Variants in RPGR observed in about 807,000 individuals in gnomAD.
RPGR encodes the protein retinitis pigmentosa GTPase regulator, also known as X-linked retinitis pigmentosa GTPase regulator.
In RPGR, 10 loss-of-function variants were observed where a neutral mutation model predicts 56.3. The observed-to-expected ratio is 0.18, with a 90% confidence interval of 0.11 to 0.30. The LOEUF is 0.30. Ranked by LOEUF, RPGR falls within the 10% of genes least tolerant of loss-of-function variation. The probability of loss-of-function intolerance (pLI) is 1.00; values close to 1 mark genes in which losing one functional copy is unlikely to be tolerated. For synonymous variants in RPGR, 197 were observed against 212.9 expected (o/e 0.93, Z 0.65); for missense variants, 538 against 590.9 (o/e 0.91, Z 0.93).
At chrX:38,287,482 TCTA>T (rs1261538898) in intron 14 of RPGR, 3 of 533,047 alleles carry the variant, frequency 5.6e-6, no homozygotes, top group South Asian at 2.4e-5. Context: ...GTCTGGCTTT[TCTA>T]CTGATTCTCT....
At chrX:38,316,708 CTT>C (rs2067834352) in intron 6 of RPGR, among the ~76,000 whole-genome samples, 1 of 111,591 alleles carries the variant, frequency 9.0e-6, no homozygotes, top group Non-Finnish European at 1.9e-5. Flanking sequence ...TTTACTCTCT[CTT>C]GGTATCATGC....
chrX:38,320,640 AACACAC>A (rs72350829), intron 4 of RPGR, among the ~76,000 whole-genome samples: 3 of 108,954 alleles, frequency 2.8e-5, no homozygotes, highest in African/African-American at 1.0e-4. Context: ...AATTTCTACA[AACACAC>A]ACACACACAC....
chrX:38,310,005 G>A (rs2067682140), intron 7 of RPGR, among the ~76,000 whole-genome samples: 1 of 110,855 alleles, frequency 9.0e-6, no homozygotes, highest in Non-Finnish European at 1.9e-5. Context: ...TTGAGACGAG[G>A]TCTTGCTCTG....
In RPGR at chrX:38,283,073, T is replaced by C. The variant is rs965094195; in HGVS notation, c.1905+4021A>G. Among the ~76,000 whole-genome samples, 4 of 111,199 alleles carry C rather than the reference T, an allele frequency of 3.6e-5. No homozygotes were observed. The East Asian group carries it at 1.1e-3, about 31-fold the overall frequency. On this transcript the variant is annotated intron_variant, in intron 15 of 18. Transcript: ENST00000642395. Reference sequence around the variant, plus strand: ...AAGCTTCCTTTTTTTTCTCCTAAGATATATAAAATTTACAAACATGTAAAT... The same window carrying C: ...AAGCTTCCTTTTTTTTCTCCTAAGACATATAAAATTTACAAACATGTAAAT...
chrX:38,291,815 G>C (rs79650568), intron 11 of RPGR, among the ~76,000 whole-genome samples: 10,629 of 111,790 alleles, frequency 0.095, 512 homozygotes, highest in African/African-American at 0.16. Flanking sequence ...GACCTACAAC[G>C]TCCTGGTGTT....
intron 9 of RPGR, among the ~76,000 whole-genome samples, chrX:38,300,469 C>T (rs954988034): frequency 1.8e-5 from 2 of 111,722 alleles, no homozygotes; most frequent in African/African-American, 6.5e-5. Flanking sequence ...GTGATGGTGA[C>T]GTGACACTGA....
At chrX:38,279,309 G>C in intron 15 of RPGR, 1 of 273,385 alleles carries the variant, frequency 3.7e-6, no homozygotes, top group Non-Finnish European at 6.9e-6. Context: ...GTATATGTCT[G>C]TGTCTTGCGT....
At chrX:38,320,411 GC>G (rs2067915664) in intron 4 of RPGR, among the ~76,000 whole-genome samples, 1 of 111,988 alleles carries the variant, frequency 8.9e-6, no homozygotes, top group African/African-American at 3.3e-5. Flanking sequence ...TGGCATCTTT[GC>G]CAAAAATCAA....
Position 38,299,115 on chromosome X carries a change from T to C in RPGR, c.1086A>G (p.Val362=). The C allele has an allele frequency of 5.8e-6, 7 of 1,211,532 alleles. No individual in the cohort carries two copies. Among genetic ancestry groups the C allele is most frequent in the Non-Finnish European group, 7.8e-6 (7 of 895,301 alleles). ...CACCACGATGAGGAGCAGCAAAAAC[T>C]ACCATGTGACATCCACCACAAGCAA... is the stretch of plus-strand genomic sequence containing the variant. Residue 362 remains valine (V), a synonymous_variant, in exon 10 of 19, where the codon GTA becomes GTG. Transcript: ENST00000642395.
chrX:38,281,902 T>C (rs1216658513), intron 15 of RPGR, among the ~76,000 whole-genome samples: 13 of 107,251 alleles, frequency 1.2e-4, no homozygotes, highest in African/African-American at 4.5e-4. Flanking sequence ...ATGGCTGTTC[T>C]CACAGATGTT....
chrX:38,309,421 A>G (rs766383656), intron 7 of RPGR, among the ~76,000 whole-genome samples: 1 of 112,845 alleles, frequency 8.9e-6, no homozygotes, highest in African/African-American at 3.2e-5. Flanking sequence ...TCTCCAAAAG[A>G]AGGCATTTCA....
intron 7 of RPGR, among the ~76,000 whole-genome samples, chrX:38,309,600 G>A (rs1376007459): frequency 8.9e-6 from 1 of 112,615 alleles, no homozygotes; most frequent in African/African-American, 3.2e-5. Context: ...GGCCGAGGCT[G>A]GTGAATCACC....
At chrX:38,274,062 T>C (rs951071870) in intron 17 of RPGR, 2 of 112,533 alleles carry the variant, frequency 1.8e-5, no homozygotes, top group African/African-American at 6.5e-5. Flanking sequence ...GGAACAGGAT[T>C]AAGGAAACTA....
At chrX:38,311,989 T>C (rs899696736) in intron 6 of RPGR, among the ~76,000 whole-genome samples, 1 of 112,105 alleles carries the variant, frequency 8.9e-6, no homozygotes, top group African/African-American at 3.3e-5. Flanking sequence ...TCTTTTTGCT[T>C]TGTATCCTTT....
chrX:38,298,455 A>C, intron 10 of RPGR: 1 of 308,578 alleles, frequency 3.2e-6, no homozygotes, highest in Non-Finnish European at 6.1e-6. Flanking sequence ...TAACTGAAAG[A>C]CAAAAGAATG....
In RPGR at chrX:38,295,834, G is replaced by C. The variant is rs4827347; in HGVS notation, c.1414+1450C>G. Among the ~76,000 whole-genome samples, 3,460 of 111,186 alleles carry C rather than the reference G, an allele frequency of 0.031. 92 individuals are homozygous for C. Among genetic ancestry groups the C allele is most frequent in the South Asian group, 0.14 (375 of 2,647 alleles). On this transcript the variant is annotated intron_variant, in intron 11 of 18. Coordinates refer to ENST00000642395, the MANE Select transcript of RPGR (RefSeq NM_000328.3). ...CCTGATTCTTAGTCCCTGATGACAGGTTTATCTTCTTAATTTCAAATTTAC... is the reference window on the plus strand; with the variant it reads ...CCTGATTCTTAGTCCCTGATGACAGCTTTATCTTCTTAATTTCAAATTTAC...
chrX:38,325,025 C>T (rs905235476), intron 1 of RPGR, among the ~76,000 whole-genome samples: 13 of 106,406 alleles, frequency 1.2e-4, no homozygotes, highest in Non-Finnish European at 1.9e-4. Flanking sequence ...CAAAAATTAG[C>T]CGGGCGTGGT....
chrX:38,318,771 C>T, intron 5 of RPGR, 58 bp downstream of exon 5: 2 of 1,152,549 alleles, frequency 1.7e-6, no homozygotes, highest in South Asian at 3.6e-5. Flanking sequence ...ACTGAGTTGG[C>T]ATATATTGAT....
At position 38,269,288 on chromosome X, in the gene RPGR, C is replaced by T. The variant is rs2066786156; in HGVS notation, c.*338G>A. The T allele has an allele frequency of 7.4e-6, 1 of 135,852 alleles. No homozygotes were observed. Among genetic ancestry groups the T allele is most frequent in the South Asian group, 2.4e-4 (1 of 4,169 alleles). The allele number at this position is 135,852 out of a possible 1,213,427, so 11.2% of individuals were successfully genotyped here. A position where few individuals can be genotyped will look rare whatever the true frequency, so the allele number is the denominator to read the frequency against. On this transcript the variant is annotated 3_prime_UTR_variant, in exon 19 of 19. Coordinates refer to ENST00000642395, the MANE Select transcript of RPGR (RefSeq NM_000328.3). ...CAGTGTCGTAAGATTGCAAATATTG[C>T]CTTATAAAATTATAAAGAAGTAAAA... is the stretch of plus-strand genomic sequence containing the variant.
Sources: gnomAD v4.1 joint callset for allele counts (sites outside exome capture counted in the v4.1 genomes callset) on GRCh38, gnomAD v4.1.1 for gene constraint, MANE v1.5 for transcripts, NCBI Gene and HGNC (gene_info 2026-07-23, HGNC 2026-07-21) for gene names.